MARF1: variants seen among roughly 807,000 people sequenced by gnomAD.
MARF1 encodes the protein meiosis regulator and mRNA stability factor 1.
A neutral mutation model predicts 168.2 loss-of-function variants in MARF1; 24 were observed. The ratio of observed to expected loss-of-function variants is 0.14; its 90% CI spans 0.10 to 0.20. The LOEUF is 0.20. MARF1 is among the 10% of genes least tolerant of loss of function. The pLI is 1.00. For missense variants in MARF1, 1,744 were observed against 2,143.6 expected (o/e 0.81, Z 3.68); for synonymous variants, 868 against 822.4 (o/e 1.06, Z -0.95).
At chr16:15,634,065 C>G (rs1191617995) in intron 4 of MARF1, among the ~76,000 whole-genome samples, 2 of 152,118 alleles carry the variant, frequency 1.3e-5, no homozygotes, top group Admixed American at 6.6e-5. Context: ...GAAGACAAAT[C>G]TAAAAGTCAA....
At chr16:15,600,029 T>A (rs1196106586) in intron 25 of MARF1, among the ~76,000 whole-genome samples, 1 of 152,176 alleles carries the variant, frequency 6.6e-6, no homozygotes, top group Non-Finnish European at 1.5e-5. Flanking sequence ...ATAGCAAGAA[T>A]CCTCTTAGTA....
At chr16:15,611,544 A>G (rs1401335065) in intron 18 of MARF1, 48 bp downstream of exon 18, 1 of 1,562,750 alleles carries the variant, frequency 6.4e-7, no homozygotes, top group Non-Finnish European at 8.8e-7. Context: ...CAGAAGATAA[A>G]ATGTCCTAAA....
intron 21 of MARF1, among the ~76,000 whole-genome samples, chr16:15,607,515 C>T (rs143942298): frequency 0.082 from 12,425 of 152,206 alleles, 761 homozygotes; most frequent in Admixed American, 0.15. Flanking sequence ...CACCACTGCA[C>T]TCTAGCCTGG....
chr16:15,596,997 C>T (rs1375522214), intron 26 of MARF1, 60 bp from the exon 27 acceptor site: 5 of 1,494,032 alleles, frequency 3.3e-6, no homozygotes, highest in Non-Finnish European at 4.5e-6. Flanking sequence ...TGTGGGTTTT[C>T]TCTTCCTTGC....
chr16:15,609,434 T>TC, intron 20 of MARF1, 89 bp downstream of exon 20: 1 of 1,090,076 alleles, frequency 9.2e-7, no homozygotes, highest in Non-Finnish European at 1.3e-6. Flanking sequence ...ACTCCCTACT[T>TC]CCCAGAAAAA....
At chr16:15,614,621 A>G (rs1216292805) in intron 16 of MARF1, among the ~76,000 whole-genome samples, 2 of 149,186 alleles carry the variant, frequency 1.3e-5, no homozygotes, top group East Asian at 2.0e-4. Flanking sequence ...CGTCTCTACT[A>G]AAAATACAGA....
In MARF1 at chr16:15,624,776, A is replaced by T; in HGVS notation, c.2263T>A (p.Ser755Thr). The change falls in exon 10 of 27, where the codon TCT becomes ACT. Residue 755 changes from serine (S) to threonine (T), a missense_variant. Physicochemically the swap from Ser to Thr is moderately conservative, Grantham distance 58 (BLOSUM62 1). Coordinates refer to ENST00000396368, the MANE Select transcript of MARF1 (RefSeq NM_014647.4). The part of the protein sequence containing the change: ...VSPLLASQSW[S>T]SRSMSPNLLN... Reference sequence around the variant, plus strand: ...TCAAGAAGCTGGACTCACCTAGAAGACCAAGACTGAGATGCGAGCAGAGGA... The same window carrying T: ...TCAAGAAGCTGGACTCACCTAGAAGTCCAAGACTGAGATGCGAGCAGAGGA... The T allele has an allele frequency of 6.2e-7, 1 of 1,614,090 alleles. No individual in the cohort carries two copies. The highest frequency in any genetic ancestry group is 8.5e-7 in the Non-Finnish European group (1 of 1,179,976).
At chr16:15,630,620 T>G in intron 6 of MARF1, 116 bp from the exon 7 acceptor site, 1 of 876,694 alleles carries the variant, frequency 1.1e-6, no homozygotes, top group Non-Finnish European at 1.6e-6. Context: ...ATATTCAAAA[T>G]TGCTTCCCCC....
In MARF1 at chr16:15,636,075, A is replaced by T. The variant is rs2035575084; in HGVS notation, c.412T>A (p.Ser138Thr). The change falls in exon 3 of 27, where the codon TCG (serine) becomes ACG (threonine). Residue 138 changes from serine to threonine, a missense_variant. By Grantham distance (58) the Ser-to-Thr change is moderately conservative (BLOSUM62 1). Transcript: ENST00000396368. ...SLIHPGALLD[S>T]QSTRTITCQV... ...CACGTGATTGTCCTGGTGCTTTGCG[A>T]GTCTAACAGTGCGCCCGGGTGAATC... 1 of 1,614,240 alleles carries T rather than the reference A, an allele frequency of 6.2e-7. No homozygotes were observed. Among genetic ancestry groups the T allele is most frequent in the Non-Finnish European group, 8.5e-7 (1 of 1,180,046 alleles).
At position 15,600,466 on chromosome 16, in the gene MARF1, T is replaced by C. The variant is rs1480427729; in HGVS notation, c.4775A>G (p.His1592Arg). The C allele has an allele frequency of 1.2e-6, 2 of 1,614,154 alleles. No homozygotes were observed. The highest frequency in any genetic ancestry group is 3.3e-5 in the Admixed American group (2 of 60,020). The change falls in exon 25 of 27, where the codon CAC becomes CGC. Residue 1592 changes from histidine to arginine, a missense_variant. His to Arg is a conservative substitution (Grantham distance 29). This residue lies in a region of MARF1 where 313 missense variants were observed against 337.4 expected (regional missense o/e 0.93). Transcript: ENST00000396368. ...GERILEVPES[H>R]TASELKLGAD... Reference sequence around the variant, plus strand: ...TCCAAGCTTGAGTTCCGAGGCTGTGTGCGATTCGGGCACCTCCAGGATGCG... The same window carrying C: ...TCCAAGCTTGAGTTCCGAGGCTGTGCGCGATTCGGGCACCTCCAGGATGCG...
intron 12 of MARF1, among the ~76,000 whole-genome samples, chr16:15,621,275 G>A (rs548304573): frequency 6.6e-6 from 1 of 152,178 alleles, no homozygotes; most frequent in Admixed American, 6.5e-5. Context: ...ACCATCACCA[G>A]ACGCTTGAGA....
At position 15,596,938 on chromosome 16, in the gene MARF1, C is replaced by A; in HGVS notation, c.4985-1G>T. The stretch of plus-strand genomic sequence containing the variant: ...TCTTCTTGGTTTAAAATCATAATTT[C>A]TGTAAACACAGAAAAGCAAACAGAT... On this transcript the variant is annotated splice_acceptor_variant, in intron 26 of 26. Transcript: ENST00000396368. LOFTEE classifies it high-confidence loss of function. 1 of 1,595,320 alleles carries A rather than the reference C, an allele frequency of 6.3e-7. No homozygotes were observed. Among genetic ancestry groups the A allele is most frequent in the Non-Finnish European group, 8.6e-7 (1 of 1,166,710 alleles).
rs1336154448 is a variant in MARF1, at chr16:15,600,814, G to C, written c.4627-113C>G. The C allele has an allele frequency of 2.5e-5, 26 of 1,044,236 alleles. 1 individual carries two copies. Among genetic ancestry groups the C allele is most frequent in the Non-Finnish European group, 3.7e-5 (25 of 671,456 alleles). The allele number at this position is 1,044,236 out of a possible 1,614,324, so 64.7% of individuals were successfully genotyped here. On this transcript the variant is annotated intron_variant, in intron 23 of 26. Transcript: ENST00000396368. ...TGCCTTAGGCTAGAATTTAGGAGCT[G>C]AGTTACTGCCAAGAAGCATGTTTCT...
At chr16:15,604,451 T>G in intron 21 of MARF1, 53 bp from the exon 22 acceptor site, 1 of 1,287,254 alleles carries the variant, frequency 7.8e-7, no homozygotes, top group Non-Finnish European at 1.1e-6. Flanking sequence ...ACACCCTAGG[T>G]TATACCCAAC....
intron 11 of MARF1, 50 bp from the exon 12 acceptor site, chr16:15,621,961 T>C (rs768649275): frequency 1.3e-6 from 2 of 1,566,970 alleles, no homozygotes; most frequent in Non-Finnish European, 1.7e-6. Flanking sequence ...CAGAACCCTG[T>C]CGTCTTAAAA....
In MARF1 at chr16:15,620,536, A is replaced by T; in HGVS notation, c.2640-5T>A. The T allele has an allele frequency of 6.2e-7, 1 of 1,602,900 alleles. No homozygotes were observed. The highest frequency in any genetic ancestry group is 8.5e-7 in the Non-Finnish European group (1 of 1,172,206). On this transcript the variant is annotated splice_region_variant and splice_polypyrimidine_tract_variant and intron_variant, in intron 12 of 26. Coordinates refer to ENST00000396368, the MANE Select transcript of MARF1 (RefSeq NM_014647.4). ...AGAACAGACATTGTTTCTGCACTGT[A>T]AAACAGAAGTTTGATTAGGGAACAG...
chr16:15,612,455 G>C (rs776620404), intron 17 of MARF1, 102 bp downstream of exon 17: 83 of 1,032,762 alleles, frequency 8.0e-5, no homozygotes, highest in Non-Finnish European at 1.2e-4. Context: ...GTTCTGCCCA[G>C]AACTGACTTC....
intron 7 of MARF1, among the ~76,000 whole-genome samples, chr16:15,629,884 GC>G (rs1276491574): frequency 1.3e-5 from 2 of 152,156 alleles, no homozygotes; most frequent in African/African-American, 2.4e-5. Flanking sequence ...AGACTCAGAG[GC>G]CCGCTGAAGC....
At chr16:15,617,233 G>A in intron 14 of MARF1, 62 bp from the exon 15 acceptor site, 3 of 1,609,842 alleles carry the variant, frequency 1.9e-6, no homozygotes, top group East Asian at 2.2e-5. Context: ...TGTTCACAAG[G>A]TCATCCTAAC....
Sources: allele counts gnomAD v4.1 joint callset (sites outside exome capture counted in the v4.1 genomes callset), GRCh38; gene constraint gnomAD v4.1.1; regional missense constraint gnomAD v4.1.1; transcripts MANE v1.5; gene names NCBI Gene and HGNC (gene_info 2026-07-23, HGNC 2026-07-21).